The following NRCAM variants were observed in gnomAD, a reference collection of about 807,000 sequenced individuals.
The protein encoded by NRCAM is neuronal cell adhesion molecule.
A neutral mutation model predicts 156.5 loss-of-function variants in NRCAM; 83 were observed. The observed-to-expected ratio is 0.53, with a 90% CI of 0.44 to 0.64. NRCAM has a LOEUF of 0.64. Among genes scored for constraint, NRCAM ranks in the 30% least tolerant of loss-of-function variants. The pLI is 0.00. For synonymous variants in NRCAM, 538 were observed against 563.9 expected (o/e 0.95, Z 0.65); for missense variants, 1,417 against 1,597.3 (o/e 0.89, Z 1.92).
intron 1 of NRCAM, among the ~76,000 whole-genome samples, chr7:108,402,168 T>C (rs1378116879): frequency 1.3e-5 from 2 of 152,208 alleles, no homozygotes; most frequent in African/African-American, 4.8e-5. Flanking sequence ...GGAACATCAT[T>C]CACAATTCAT....
At chr7:108,367,726 T>C (rs1464758290) in intron 2 of NRCAM, among the ~76,000 whole-genome samples, 1 of 152,190 alleles carries the variant, frequency 6.6e-6, no homozygotes, top group African/African-American at 2.4e-5. Flanking sequence ...AGAAAAATCA[T>C]ATGTTGTAAG....
At chr7:108,277,071 C>A (rs1365873736) in intron 3 of NRCAM, among the ~76,000 whole-genome samples, 1 of 152,204 alleles carries the variant, frequency 6.6e-6, no homozygotes, top group Non-Finnish European at 1.5e-5. Context: ...CCCCCACTCT[C>A]TTCTGGCTTG....
At chr7:108,308,745 A>G (rs935743525) in intron 3 of NRCAM, among the ~76,000 whole-genome samples, 3 of 152,210 alleles carry the variant, frequency 2.0e-5, no homozygotes, top group Non-Finnish European at 2.9e-5. Flanking sequence ...AGAAACAGCT[A>G]TCAAACTGAG....
At chr7:108,395,353 A>G (rs1312821766) in intron 2 of NRCAM, among the ~76,000 whole-genome samples, 5 of 152,212 alleles carry the variant, frequency 3.3e-5, no homozygotes, top group Non-Finnish European at 7.3e-5. Context: ...ACATTATCTG[A>G]TTAGAAATCT....
In NRCAM at chr7:108,150,215, A is replaced by G. The variant is rs551169269; in HGVS notation, c.3678-68T>C. On this transcript the variant is annotated intron_variant, in intron 32 of 32. Coordinates refer to ENST00000379028, the MANE Select transcript of NRCAM (RefSeq NM_001037132.4). ...GTAACATTTTCTGTTTTTAAAGACC[A>G]TGCATGCAAATTATGAGAAAGCATT... 28 of 1,289,732 alleles carry G rather than the reference A, an allele frequency of 2.2e-5. No individual in the cohort carries two copies. The South Asian group carries it at 3.5e-4, about 16-fold the overall frequency. 79.9% of individuals were successfully genotyped at this position (1,289,732 alleles called of 1,614,324 possible).
chr7:108,413,803 C>G (rs1374809247), intron 1 of NRCAM, among the ~76,000 whole-genome samples: 2 of 152,098 alleles, frequency 1.3e-5, no homozygotes, highest in Admixed American at 6.6e-5. Flanking sequence ...TTCTGCTTTC[C>G]CAGGTTTGCC....
At chr7:108,420,063 T>TGC (rs1172362377) in intron 1 of NRCAM, among the ~76,000 whole-genome samples, 1 of 151,924 alleles carries the variant, frequency 6.6e-6, no homozygotes, top group Non-Finnish European at 1.5e-5. Context: ...TGTGTGTGTG[T>TGC]GTGTGTGTTT....
At chr7:108,436,380 ATAAT>A (rs1266143657) in intron 1 of NRCAM, among the ~76,000 whole-genome samples, 5 of 152,216 alleles carry the variant, frequency 3.3e-5, no homozygotes, top group Non-Finnish European at 5.9e-5. Context: ...TAATATAGAA[ATAAT>A]TTATTTTTAA....
chr7:108,207,736 T>C, intron 12 of NRCAM, 77 bp from the exon 13 acceptor site: 1 of 1,265,580 alleles, frequency 7.9e-7, no homozygotes, highest in Non-Finnish European at 1.1e-6. Flanking sequence ...TGAACTATTT[T>C]AATAATACAA....
intron 1 of NRCAM, among the ~76,000 whole-genome samples, chr7:108,401,030 T>C (rs1249972641): frequency 6.6e-6 from 1 of 151,322 alleles, no homozygotes; most frequent in Admixed American, 6.6e-5. Context: ...GAGGCCCAGG[T>C]GGGCAGATCA....
intron 2 of NRCAM, among the ~76,000 whole-genome samples, chr7:108,384,106 G>A (rs573116070): frequency 2.6e-5 from 4 of 152,318 alleles, no homozygotes; most frequent in East Asian, 3.9e-4. Context: ...TGATCTGGGA[G>A]GGTGGGAGGA....
intron 3 of NRCAM, among the ~76,000 whole-genome samples, chr7:108,247,078 G>T (rs1168481782): frequency 6.6e-6 from 1 of 152,070 alleles, no homozygotes; most frequent in Non-Finnish European, 1.5e-5. Context: ...GACCATCCTG[G>T]ACTCTCTGGC....
chr7:108,153,751 G>T (rs1307729886), intron 32 of NRCAM, among the ~76,000 whole-genome samples: 1 of 152,074 alleles, frequency 6.6e-6, no homozygotes, highest in Non-Finnish European at 1.5e-5. Flanking sequence ...CTTGATACAA[G>T]ATTAGCATAA....
Position 108,262,398 on chromosome 7 carries a change from A to G in NRCAM, c.-106-22228T>C, listed in dbSNP as rs10215090. Among the ~76,000 whole-genome samples, 953 of 152,132 alleles carry G rather than the reference A, an allele frequency of 6.3e-3. 9 individuals carry two copies. The highest frequency in any genetic ancestry group is 0.022 in the African/African-American group (903 of 41,480). On this transcript the variant is annotated intron_variant, in intron 3 of 32. Coordinates refer to ENST00000379028, the MANE Select transcript of NRCAM (RefSeq NM_001037132.4). ...AACAGGAAAGAGACATTCCCTGAGA[A>G]CTTTTGTGCCTACCCTTTTTTTGGT... is the stretch of plus-strand genomic sequence containing the variant.
chr7:108,193,842 A>G (rs1007546445), intron 17 of NRCAM, among the ~76,000 whole-genome samples, 182 bp downstream of exon 17: 1 of 152,148 alleles, frequency 6.6e-6, no homozygotes, highest in Non-Finnish European at 1.5e-5. Context: ...TATTTCAATC[A>G]CCTGATACCT....
chr7:108,415,955 G>A (rs556951294), intron 1 of NRCAM, among the ~76,000 whole-genome samples: 8 of 152,350 alleles, frequency 5.3e-5, no homozygotes, highest in African/African-American at 1.7e-4. Context: ...TTGCTCTTAT[G>A]TAGTTATTTT....
At chr7:108,365,956 G>A (rs1375794492) in intron 2 of NRCAM, among the ~76,000 whole-genome samples, 3 of 152,292 alleles carry the variant, frequency 2.0e-5, no homozygotes, top group Non-Finnish European at 2.9e-5. Context: ...ATATGATAGC[G>A]TTATGAGCGG....
At chr7:108,377,485 G>A (rs1264482323) in intron 2 of NRCAM, among the ~76,000 whole-genome samples, 2 of 152,074 alleles carry the variant, frequency 1.3e-5, no homozygotes, top group East Asian at 3.9e-4. Flanking sequence ...AGTAAGAATG[G>A]AAAAGATCAA....
At chr7:108,314,815 A>C (rs1033958389) in intron 2 of NRCAM, among the ~76,000 whole-genome samples, 8 of 152,214 alleles carry the variant, frequency 5.3e-5, no homozygotes, top group African/African-American at 1.9e-4. Flanking sequence ...TATTACAAGC[A>C]GTATTAGGTA....
Sources: gnomAD v4.1 joint callset for allele counts (sites outside exome capture counted in the v4.1 genomes callset) on GRCh38, gnomAD v4.1.1 for gene constraint, MANE v1.5 for transcripts, NCBI Gene and HGNC (gene_info 2026-07-23, HGNC 2026-07-21) for gene names.